The following GLIS3 variants were observed in gnomAD, a reference collection of about 807,000 sequenced individuals.
The protein encoded by GLIS3 is zinc finger protein GLIS3.
A neutral mutation model predicts 78.6 loss-of-function variants in GLIS3; 53 were observed. The ratio of observed to expected loss-of-function variants is 0.67; its 90% CI spans 0.54 to 0.85. GLIS3 has a LOEUF of 0.85. GLIS3 is among the 40% of genes least tolerant of loss of function. GLIS3 has a pLI of 0.00. For missense variants in GLIS3, 1,703 were observed against 1,231.1 expected, an observed-to-expected ratio of 1.38 and a Z score of -5.74; for synonymous variants, 684 against 509.9, an observed-to-expected ratio of 1.34 and a Z score of -4.60.
intron 4 of GLIS3, among the ~76,000 whole-genome samples, chr9:4,057,844 C>G (rs1381161290): frequency 1.3e-5 from 2 of 152,194 alleles, no homozygotes; most frequent in Middle Eastern, 3.4e-3. Context: ...GAAAAGAGGT[C>G]TTGATGATGG....
At chr9:3,865,954 G>A (rs1046294884) in intron 8 of GLIS3, among the ~76,000 whole-genome samples, 3 of 152,236 alleles carry the variant, frequency 2.0e-5, no homozygotes, top group Admixed American at 2.0e-4. Context: ...CACAAGTGGA[G>A]CTGTCTGCTT....
the GLIS3 span, among the ~76,000 whole-genome samples, chr9:4,365,401 T>G: frequency 3.3e-5 from 5 of 151,654 alleles, no homozygotes; most frequent in African/African-American, 1.2e-4. Flanking sequence ...ACTAAAAGTA[T>G]AAAAAATTAG....
intron 6 of GLIS3, among the ~76,000 whole-genome samples, chr9:3,928,884 TC>T (rs552347628): frequency 5.8e-4 from 89 of 152,354 alleles, no homozygotes; most frequent in Middle Eastern, 3.4e-3. Flanking sequence ...ACCTCTAACT[TC>T]CGGCATCCTT....
chr9:4,385,163 G>T, the GLIS3 span, among the ~76,000 whole-genome samples: 1 of 152,188 alleles, frequency 6.6e-6, no homozygotes, highest in South Asian at 2.1e-4. Context: ...GGATCTCATG[G>T]GTTGCAGTGT....
At chr9:4,431,127 A>G in the GLIS3 span, among the ~76,000 whole-genome samples, 6 of 152,154 alleles carry the variant, frequency 3.9e-5, no homozygotes. Flanking sequence ...TAGCAACTCA[A>G]TCGCCACACC....
intron 9 of GLIS3, among the ~76,000 whole-genome samples, chr9:3,830,587 T>A (rs1817988482): frequency 6.6e-6 from 1 of 152,206 alleles, no homozygotes; most frequent in African/African-American, 2.4e-5. Flanking sequence ...ATTATTGATA[T>A]CACTATTCTG....
At chr9:3,951,397 GA>G (rs753559790) in intron 4 of GLIS3, among the ~76,000 whole-genome samples, 1,366 of 132,400 alleles carry the variant, frequency 0.01, 6 homozygotes, top group African/African-American at 0.016. Flanking sequence ...AATTAAGAAA[GA>G]AAAAAAAAAA....
the GLIS3 span, among the ~76,000 whole-genome samples, chr9:4,364,152 A>G: frequency 2.0e-4 from 30 of 152,348 alleles, no homozygotes; most frequent in East Asian, 5.8e-3. Context: ...TCATTCTAAA[A>G]GTGGAAATAC....
chr9:3,939,554 A>G (rs1826087495), intron 4 of GLIS3, among the ~76,000 whole-genome samples: 1 of 152,190 alleles, frequency 6.6e-6, no homozygotes, highest in African/African-American at 2.4e-5. Context: ...CATCCTGACC[A>G]TTTTCAAATA....
intron 4 of GLIS3, among the ~76,000 whole-genome samples, chr9:4,010,614 T>C (rs1390172041): frequency 1.3e-5 from 2 of 152,164 alleles, no homozygotes; most frequent in African/African-American, 2.4e-5. Flanking sequence ...GCTTCCAGAC[T>C]TTCCCGTGAA....
At chr9:3,978,917 C>G (rs992855884) in intron 4 of GLIS3, among the ~76,000 whole-genome samples, 1 of 151,970 alleles carries the variant, frequency 6.6e-6, no homozygotes, top group African/African-American at 2.4e-5. Context: ...ATAAAAAATA[C>G]AGTATAACAA....
chr9:4,018,981 G>A (rs1166913904), intron 4 of GLIS3, among the ~76,000 whole-genome samples: 1 of 152,160 alleles, frequency 6.6e-6, no homozygotes. Flanking sequence ...GTCCTATTAA[G>A]GCATGAGGTA....
chr9:4,081,127 G>C (rs1023529555), intron 4 of GLIS3: 5 of 152,184 alleles, frequency 3.3e-5, no homozygotes, highest in African/African-American at 1.2e-4. Flanking sequence ...TTCATATTCA[G>C]TGCAGGCCAG....
chr9:4,361,023 A>G, the GLIS3 span, among the ~76,000 whole-genome samples: 1 of 152,354 alleles, frequency 6.6e-6, no homozygotes, highest in East Asian at 1.9e-4. Flanking sequence ...TTTCTGAAAC[A>G]GGCCACACTT....
intron 2 of GLIS3, among the ~76,000 whole-genome samples, chr9:4,221,873 T>C (rs375231114): frequency 1.3e-5 from 2 of 152,370 alleles, no homozygotes; most frequent in Admixed American, 1.3e-4. Context: ...AATAGTTATT[T>C]TGGGATCCAT....
At chr9:4,436,368 G>C in the GLIS3 span, among the ~76,000 whole-genome samples, 14 of 152,174 alleles carry the variant, frequency 9.2e-5, no homozygotes, top group East Asian at 2.5e-3. Context: ...TAGGAAATAA[G>C]ATAAAATTGT....
At chr9:3,886,060 C>G (rs1822052331) in intron 7 of GLIS3, among the ~76,000 whole-genome samples, 1 of 152,126 alleles carries the variant, frequency 6.6e-6, no homozygotes, top group East Asian at 1.9e-4. Flanking sequence ...ACCACTGTTG[C>G]TATTATTTGG....
intron 9 of GLIS3, among the ~76,000 whole-genome samples, chr9:3,837,329 A>G (rs551471872): frequency 6.6e-6 from 1 of 152,330 alleles, no homozygotes; most frequent in East Asian, 1.9e-4. Flanking sequence ...TTCACTGCAA[A>G]ATGGTACAGC....
At chr9:3,831,361 A>G (rs1419056218) in intron 9 of GLIS3, among the ~76,000 whole-genome samples, 5 of 152,208 alleles carry the variant, frequency 3.3e-5, no homozygotes, top group Non-Finnish European at 7.4e-5. Flanking sequence ...TGATCATCCA[A>G]TATGAGCAAA....
Sources: allele counts gnomAD v4.1 joint callset (sites outside exome capture counted in the v4.1 genomes callset), GRCh38; gene constraint gnomAD v4.1.1; transcripts MANE v1.5; gene names NCBI Gene and HGNC (gene_info 2026-07-23, HGNC 2026-07-21).